The following ABCG1 variants were observed in gnomAD, a reference collection of about 807,000 sequenced individuals.
ABCG1 encodes the protein ATP-binding cassette sub-family G member 1.
Under a neutral mutation model 69.2 loss-of-function variants are expected in ABCG1, and 29 were observed. The ratio of observed to expected loss-of-function variants is 0.42; its 90% CI spans 0.31 to 0.57. The LOEUF is 0.57. ABCG1 is among the 20% of genes least tolerant of loss of function. The pLI is 0.15. For missense variants in ABCG1, 718 were observed against 898.1 expected (o/e 0.80, Z 2.56); for synonymous variants, 370 against 374.8 (o/e 0.99, Z 0.15).
At chr21:42,255,459 C>T (rs2068288082) in intron 2 of ABCG1, among the ~76,000 whole-genome samples, 1 of 152,090 alleles carries the variant, frequency 6.6e-6, no homozygotes, top group South Asian at 2.1e-4. Context: ...GGTGTGTGTG[C>T]ATGCGCGTGT....
At chr21:42,269,331 A>T (rs138710820) in intron 2 of ABCG1, among the ~76,000 whole-genome samples, 1 of 152,156 alleles carries the variant, frequency 6.6e-6, no homozygotes, top group Non-Finnish European at 1.5e-5. Context: ...GGAAGTGTCT[A>T]TGTGGTCCCC....
At chr21:42,214,962 G>T (rs2067624106), upstream of ABCG1, among the ~76,000 whole-genome samples, 1 of 152,212 alleles carries the variant, frequency 6.6e-6, no homozygotes, top group South Asian at 2.1e-4. Context: ...CATGAAATGG[G>T]GAGGTGTCAA....
chr21:42,228,987 C>T (rs1569209523), intron 2 of ABCG1, among the ~76,000 whole-genome samples: 1 of 152,246 alleles, frequency 6.6e-6, no homozygotes, highest in South Asian at 2.1e-4. Context: ...ACCTCACCCA[C>T]ACGGGTCGCC....
rs1181021591 is a variant in ABCG1, at chr21:42,273,622, T to G, written c.537+187T>G. On this transcript the variant is annotated intron_variant, in intron 4 of 14. Transcript: ENST00000398449. This position sits in a 1 kb window ranked among gnomAD's most constrained non-coding sequence, Gnocchi z 5.3. ...AGACTCGCTGTTGGGACAGGCAGCATCATCCCAAAACCCCCCAAGACTGTG... is the reference window on the plus strand; with the variant it reads ...AGACTCGCTGTTGGGACAGGCAGCAGCATCCCAAAACCCCCCAAGACTGTG... 6.6e-6 allele frequency among the ~76,000 whole-genome samples: 1 copy of G among 152,154 alleles called. No homozygotes were observed. The highest frequency in any genetic ancestry group is 6.5e-5 in the Admixed American group (1 of 15,278).
At chr21:42,260,008 C>G in intron 2 of ABCG1, 1 of 1,486,698 alleles carries the variant, frequency 6.7e-7, no homozygotes. Flanking sequence ...GCATCCTGCA[C>G]GTGGTCAGTC....
intron 2 of ABCG1, among the ~76,000 whole-genome samples, chr21:42,267,550 C>G (rs1270851063): frequency 5.9e-3 from 447 of 76,248 alleles, no homozygotes; most frequent in Middle Eastern, 0.033. Context: ...TCTGGGTCTG[C>G]TCTGGGTTCT....
At chr21:42,256,901 G>A (rs1318245625) in intron 2 of ABCG1, among the ~76,000 whole-genome samples, 1 of 152,234 alleles carries the variant, frequency 6.6e-6, no homozygotes, top group Admixed American at 6.5e-5. Flanking sequence ...GAAATGAAGA[G>A]AGACCCCTCT....
chr21:42,201,723 G>A (rs1290310203), exon 2 of ABCG1: 1 of 1,613,844 alleles, frequency 6.2e-7, no homozygotes, highest in Non-Finnish European at 8.5e-7. Context: ...CCTGCCCTCA[G>A]GTGTGGTCAG....
intron 2 of ABCG1, among the ~76,000 whole-genome samples, chr21:42,257,020 T>G (rs1347811665): frequency 3.3e-5 from 5 of 152,274 alleles, no homozygotes; most frequent in Non-Finnish European, 7.3e-5. Context: ...ATTTTCTATA[T>G]GCCGGGCTCA....
At chr21:42,252,894 G>A (rs1375646871) in intron 2 of ABCG1, among the ~76,000 whole-genome samples, 1 of 152,188 alleles carries the variant, frequency 6.6e-6, no homozygotes, top group Admixed American at 6.5e-5. Flanking sequence ...TGGTGTTGGG[G>A]CGAGTGAGGT....
intron 6 of ABCG1, among the ~76,000 whole-genome samples, chr21:42,283,365 G>C (rs1210153081): frequency 6.6e-6 from 1 of 152,184 alleles, no homozygotes; most frequent in Non-Finnish European, 1.5e-5. Flanking sequence ...GGCTCCGGGG[G>C]ACTGCCCAAC....
rs947001154 is a variant in ABCG1, at chr21:42,226,675, A to C, written c.286+761A>C. ...GTTTCTTCTGTGGAATTTATCCTTC[A>C]TCTCCTTATGCTCCAAGCACTCATT... On this transcript the variant is annotated intron_variant, in intron 2 of 14. Coordinates refer to ENST00000398449, the MANE Select transcript of ABCG1 (RefSeq NM_016818.3). Among the ~76,000 whole-genome samples, 9 of 151,486 alleles carry C rather than the reference A, an allele frequency of 5.9e-5. No homozygotes were observed. The East Asian group carries it at 1.7e-3, about 29-fold the overall frequency.
At position 42,219,150 on chromosome 21, in the gene ABCG1, C is replaced by T; in HGVS notation, c.-113C>T. 1 of 1,015,858 alleles carries T rather than the reference C, an allele frequency of 9.8e-7. No homozygotes were observed. The highest frequency in any genetic ancestry group is 1.2e-6 in the Non-Finnish European group (1 of 809,136). 62.9% of individuals were successfully genotyped at this position (1,015,858 alleles called of 1,614,324 possible). A position where few individuals can be genotyped will look rare whatever the true frequency, so the allele number is the denominator to read the frequency against. On this transcript the variant is annotated 5_prime_UTR_variant, in exon 1 of 15. Coordinates refer to ENST00000398449, the MANE Select transcript of ABCG1 (RefSeq NM_016818.3). This position sits in a 1 kb window ranked among gnomAD's most constrained non-coding sequence, Gnocchi z 5.3. ...AGCCGGATCCCAGCCGGAGCCCAAG[C>T]GCAGCCCGCACCCCGCGCAGCGGCT...
At chr21:42,293,068 TACACACACACCAC>T (rs1569242775) in intron 13 of ABCG1, among the ~76,000 whole-genome samples, 3 of 13,420 alleles carry the variant, frequency 2.2e-4, no homozygotes, top group Non-Finnish European at 2.8e-4. Flanking sequence ...CATACCACAC[TACACACACACCAC>T]ACACACTACA....
chr21:42,294,414 G>A lies in ABCG1; in HGVS notation c.1654-128G>A. The A allele has an allele frequency of 1.8e-5, 13 of 736,480 alleles. No individual in the cohort carries two copies. In the South Asian group the frequency reaches 1.8e-4, roughly 10 times the overall value. 45.6% of individuals were successfully genotyped at this position (736,480 alleles called of 1,614,324 possible). On this transcript the variant is annotated intron_variant, in intron 13 of 14. Transcript: ENST00000398449. ...AACGCTGCACCTTCTGCCACATTAA[G>A]CATCATCATTACCCTGCCCAGAAGG...
chr21:42,240,201 C>CA (rs2068031576), intron 2 of ABCG1, among the ~76,000 whole-genome samples: 1 of 152,208 alleles, frequency 6.6e-6, no homozygotes, highest in Admixed American at 6.5e-5. Context: ...CCAACGGCCA[C>CA]ACGAGGCACT....
rs1430692574 is a variant in ABCG1 at position 42,291,169 on chromosome 21, A to C, written c.1471A>C (p.Thr491Pro). Residue 491 changes from threonine to proline, a missense_variant, in exon 12 of 15, where the codon ACC (threonine) becomes CCC (proline). By Grantham distance (38) the Thr-to-Pro change is conservative. Around this residue, in one of 2 missense-constraint regions of ABCG1, gnomAD observed 204 missense variants for 323.8 expected, o/e 0.63. Transcript: ENST00000398449. This position sits in a 1 kb window ranked among gnomAD's most constrained non-coding sequence, Gnocchi z 6.4. ...CCTGAAGGCCTACTACCTGGCCAAGACCATGGCAGACGTGCCCTTTCAGGT... is the reference window on the plus strand; with the variant it reads ...CCTGAAGGCCTACTACCTGGCCAAGCCCATGGCAGACGTGCCCTTTCAGGT... ...YSLKAYYLAK[T>P]MADVPFQIMF... is the part of the protein sequence containing the mutation. 2 of 1,613,980 alleles carry C rather than the reference A, an allele frequency of 1.2e-6. No homozygotes were observed. Among genetic ancestry groups the C allele is most frequent in the South Asian group, 2.2e-5 (2 of 91,032 alleles).
At chr21:42,261,038 G>T (rs1202303525) in intron 2 of ABCG1, among the ~76,000 whole-genome samples, 1 of 152,088 alleles carries the variant, frequency 6.6e-6, no homozygotes, top group East Asian at 1.9e-4. Context: ...AGCCAGGATG[G>T]TCTCGATCTC....
chr21:42,202,291 G>A (rs1395580709), intron 2 of ABCG1, among the ~76,000 whole-genome samples: 1 of 152,192 alleles, frequency 6.6e-6, no homozygotes, highest in African/African-American at 2.4e-5. Flanking sequence ...TCATGTTAGT[G>A]AAAACCTGAA....
Sources: gnomAD v4.1 joint callset for allele counts (sites outside exome capture counted in the v4.1 genomes callset) on GRCh38, gnomAD v4.1.1 for gene constraint, gnomAD v4.1.1 regional missense constraint, Gnocchi (gnomAD v3.1) non-coding constraint, MANE v1.5 for transcripts, NCBI Gene and HGNC (gene_info 2026-07-23, HGNC 2026-07-21) for gene names.